The following DIP2B variants were observed in gnomAD, a reference collection of about 807,000 sequenced individuals.
The protein encoded by DIP2B is disco-interacting protein 2 homolog B.
DIP2B carries 76 observed loss-of-function variants against 198.0 expected under a neutral mutation model. The observed-to-expected ratio is 0.38, with a 90% CI of 0.32 to 0.46. The LOEUF is 0.46. DIP2B is among the 20% of genes least tolerant of loss of function. DIP2B has a pLI of 0.99. For synonymous variants in DIP2B, 701 were observed against 739.1 expected (o/e 0.95, Z 0.84); for missense variants, 1,559 against 1,978.4 (o/e 0.79, Z 4.02).
intron 1 of DIP2B, among the ~76,000 whole-genome samples, chr12:50,544,411 A>T (rs1014541762): frequency 6.6e-6 from 1 of 151,998 alleles, no homozygotes; most frequent in African/African-American, 2.4e-5. Flanking sequence ...GGTTCAAGCG[A>T]TTCTCCCGCG....
At chr12:50,732,557 T>C (rs1565885521) in intron 32 of DIP2B, 21 bp downstream of exon 32, 1 of 1,613,332 alleles carries the variant, frequency 6.2e-7, no homozygotes, top group East Asian at 2.2e-5. Flanking sequence ...TGAAATCTTG[T>C]CTGTTGACAA....
intron 23 of DIP2B, among the ~76,000 whole-genome samples, chr12:50,717,188 G>GC (rs1239754388): frequency 2.0e-5 from 3 of 151,170 alleles, no homozygotes; most frequent in East Asian, 1.9e-4. Context: ...CAAATGATCT[G>GC]CCCCCCTCTG....
At position 50,714,636 on chromosome 12, in the gene DIP2B, AC is replaced by A. The variant is rs757265356; in HGVS notation, c.2851+41del. On this transcript the variant is annotated intron_variant, in intron 23 of 37. Transcript: ENST00000301180. ...TCCAAGACCTGGCACTAAAATTCCA[AC>A]TTCAAGAAGCTGGGTTCTCTCAGTG... 3.1e-6 allele frequency: 5 copies of A among 1,605,920 alleles called. No homozygotes were observed. The South Asian group carries it at 5.5e-5, about 18-fold the overall frequency.
At chr12:50,655,751 G>A (rs963859728) in intron 3 of DIP2B, among the ~76,000 whole-genome samples, 4 of 152,244 alleles carry the variant, frequency 2.6e-5, no homozygotes, top group East Asian at 1.9e-4. Context: ...AGGCCAAGGC[G>A]GGTGGATTGC....
chr12:50,685,294 A>G (rs1333371162), intron 10 of DIP2B, among the ~76,000 whole-genome samples: 1 of 152,178 alleles, frequency 6.6e-6, no homozygotes, highest in Non-Finnish European at 1.5e-5. Flanking sequence ...GTTTTAGACT[A>G]TATCTTTTGT....
At chr12:50,666,401 A>G (rs1466774706) in intron 4 of DIP2B, among the ~76,000 whole-genome samples, 3 of 152,214 alleles carry the variant, frequency 2.0e-5, no homozygotes, top group Non-Finnish European at 2.9e-5. Context: ...GTTTTTAGAC[A>G]TATCAGTTAG....
intron 28 of DIP2B, among the ~76,000 whole-genome samples, chr12:50,725,158 TGTG>T (rs1366543855): frequency 6.6e-6 from 1 of 152,190 alleles, no homozygotes; most frequent in Non-Finnish European, 1.5e-5. Flanking sequence ...TTATGCTACA[TGTG>T]ACTATGTACA....
Position 50,552,550 on chromosome 12 carries a change from A to G in DIP2B, c.100+47310A>G, listed in dbSNP as rs367641542. ...CAAAGGTGTTCTTTTTATATTCTGG[A>G]TATTAACCCTTTATCAGATACGTTA... On this transcript the variant is annotated intron_variant, in intron 1 of 37. Coordinates refer to ENST00000301180, the MANE Select transcript of DIP2B (RefSeq NM_173602.3). Among the ~76,000 whole-genome samples, 12 of 152,014 alleles carry G rather than the reference A, an allele frequency of 7.9e-5. No homozygotes were observed. The South Asian group carries it at 1.7e-3, about 21-fold the overall frequency.
intron 29 of DIP2B, 67 bp downstream of exon 29, chr12:50,727,879 A>T: frequency 7.2e-7 from 1 of 1,383,224 alleles, no homozygotes. Flanking sequence ...CCCAGAAACT[A>T]TAGATGCAGA....
intron 1 of DIP2B, among the ~76,000 whole-genome samples, chr12:50,511,585 G>T (rs1016741629): frequency 2.0e-5 from 3 of 151,644 alleles, no homozygotes; most frequent in African/African-American, 7.3e-5. Context: ...GAGCCACCAG[G>T]CCGGGCCAAT....
intron 3 of DIP2B, among the ~76,000 whole-genome samples, chr12:50,643,533 G>A (rs889459566): frequency 2.2e-4 from 33 of 151,622 alleles, no homozygotes; most frequent in African/African-American, 7.3e-4. Context: ...TGAAGATATT[G>A]AAAGCTATGA....
chr12:50,559,709 CCA>C lies in DIP2B; in HGVS notation c.100+54504_100+54505del, dbSNP rs55678718. On this transcript the variant is annotated intron_variant, in intron 1 of 37. Transcript: ENST00000301180. ...TGCACTGTAGCCTCAGTGACAGAAACCACACACACACACACACACACACACAC... is the reference window on the plus strand; with the variant it reads ...TGCACTGTAGCCTCAGTGACAGAAACCACACACACACACACACACACACAC... Among the ~76,000 whole-genome samples the C allele has an allele frequency of 4.2e-3, 587 of 139,598 alleles. 2 individuals carry two copies. The highest frequency in any genetic ancestry group is 0.018 in the Middle Eastern group (5 of 280). The allele number at this position is 139,598 out of a possible 152,430, so 91.6% of individuals were successfully genotyped here.
In DIP2B at chr12:50,671,393, G is replaced by A. The variant is rs1938851733; in HGVS notation, c.635G>A (p.Arg212Gln). ...GSLADVFANT[R>Q]IENFSAPPDV... ...CTAGCTGATGTATTTGCCAATACTC[G>A]AATAGGTAGGAGCTGGATCTACCCA... The change falls in exon 5 of 38, where the codon CGA becomes CAA. Residue 212 changes from arginine (R) to glutamine (Q), a missense_variant. By Grantham distance (43) the Arg-to-Gln change is conservative. Transcript: ENST00000301180. 1.2e-6 allele frequency: 2 copies of A among 1,614,016 alleles called. No individual in the cohort carries two copies. The highest frequency in any genetic ancestry group is 8.5e-7 in the Non-Finnish European group (1 of 1,179,984).
At chr12:50,527,930 G>GT (rs537283926) in intron 1 of DIP2B, among the ~76,000 whole-genome samples, 41,563 of 141,372 alleles carry the variant, frequency 0.29, 6,788 homozygotes, top group Non-Finnish European at 0.38. Flanking sequence ...AATTCCTTCT[G>GT]TTTTTTTTTT....
intron 16 of DIP2B, among the ~76,000 whole-genome samples, chr12:50,696,585 T>TAG (rs1939315813): frequency 6.6e-6 from 1 of 152,178 alleles, no homozygotes; most frequent in Admixed American, 6.5e-5. Flanking sequence ...TAGAATCAGG[T>TAG]AGAGCACTAC....
At chr12:50,732,955 G>A (rs992485892) in intron 32 of DIP2B, among the ~76,000 whole-genome samples, 1 of 151,758 alleles carries the variant, frequency 6.6e-6, no homozygotes, top group Non-Finnish European at 1.5e-5. Flanking sequence ...ACCCCAGCTG[G>A]AGTGTAGTGG....
At chr12:50,626,619 A>G (rs12821119) in intron 2 of DIP2B, among the ~76,000 whole-genome samples, 4 of 152,178 alleles carry the variant, frequency 2.6e-5, no homozygotes, top group Admixed American at 6.5e-5. Flanking sequence ...AATAATCATC[A>G]TATTTTTAAA....
In DIP2B at chr12:50,712,329, C is replaced by A. The variant is rs562527084; in HGVS notation, c.2650-2066C>A. On this transcript the variant is annotated intron_variant, in intron 22 of 37. Coordinates refer to ENST00000301180, the MANE Select transcript of DIP2B (RefSeq NM_173602.3). ...TAACAGTTGGTCAGTTTTAGCCAGG[C>A]ATGATGGCTCATGTCTGTAATCCCA... Among the ~76,000 whole-genome samples, 4 of 152,202 alleles carry A rather than the reference C, an allele frequency of 2.6e-5. No individual in the cohort carries two copies. The South Asian group carries it at 8.3e-4, about 32-fold the overall frequency.
chr12:50,609,642 C>T (rs1270145697), intron 1 of DIP2B, among the ~76,000 whole-genome samples: 2 of 152,228 alleles, frequency 1.3e-5, no homozygotes, highest in Admixed American at 1.3e-4. Context: ...GTTGATATCA[C>T]ATTGGCCAGA....
Sources: gnomAD v4.1 joint callset for allele counts (sites outside exome capture counted in the v4.1 genomes callset) on GRCh38, gnomAD v4.1.1 for gene constraint, MANE v1.5 for transcripts, NCBI Gene and HGNC (gene_info 2026-07-23, HGNC 2026-07-21) for gene names.